Variants in STARD13 observed in about 807,000 individuals in gnomAD.
The protein encoded by STARD13 is StAR related lipid transfer domain containing 13.
A neutral mutation model predicts 106.4 loss-of-function variants in STARD13; 62 were observed. The observed-to-expected ratio is 0.58, with a 90% CI of 0.48 to 0.72. The LOEUF (loss-of-function observed/expected upper bound fraction) is 0.72. STARD13 is among the 30% of genes least tolerant of loss of function. STARD13 has a pLI of 0.00. For missense variants in STARD13, 1,387 were observed against 1,424.0 expected (o/e 0.97, Z 0.42); for synonymous variants, 565 against 553.0 (o/e 1.02, Z -0.31).
chr13:33,664,545 T>C, the STARD13 span, among the ~76,000 whole-genome samples: 1 of 142,412 alleles, frequency 7.0e-6, no homozygotes, highest in African/African-American at 2.9e-5. Context: ...ATTTCACTCT[T>C]GGCTTCATGT....
At chr13:33,371,617 C>T in the STARD13 span, among the ~76,000 whole-genome samples, 1 of 152,156 alleles carries the variant, frequency 6.6e-6, no homozygotes, top group South Asian at 2.1e-4. Context: ...CCTCCTGCTC[C>T]CTGAGTTCTC....
chr13:33,111,583 A>G (rs1874576136), intron 10 of STARD13, among the ~76,000 whole-genome samples, 195 bp downstream of exon 10: 1 of 152,238 alleles, frequency 6.6e-6, no homozygotes, highest in African/African-American at 2.4e-5. Context: ...GGTAATCCCA[A>G]GTGTCTTTAT....
At chr13:33,575,483 T>C in the STARD13 span, among the ~76,000 whole-genome samples, 1 of 152,196 alleles carries the variant, frequency 6.6e-6, no homozygotes, top group East Asian at 1.9e-4. Flanking sequence ...AAAACTCATG[T>C]TGAAACTTGA....
At chr13:33,359,638 C>T in the STARD13 span, 2 of 152,732 alleles carry the variant, frequency 1.3e-5, no homozygotes, top group Non-Finnish European at 2.9e-5. Context: ...GCACTCCAGC[C>T]TGGGCAACAG....
chr13:33,644,217 G>C, the STARD13 span, among the ~76,000 whole-genome samples: 1 of 152,216 alleles, frequency 6.6e-6, no homozygotes, highest in Non-Finnish European at 1.5e-5. Flanking sequence ...CTGGACTCAG[G>C]CCTGGTCTGG....
chr13:33,124,717 T>TAA (rs67468466), intron 7 of STARD13, among the ~76,000 whole-genome samples: 1 of 151,874 alleles, frequency 6.6e-6, no homozygotes, highest in Non-Finnish European at 1.5e-5. Flanking sequence ...CCTCTAAGAT[T>TAA]AAAAAAATTA....
chr13:33,355,492 T>C (rs547117255), upstream of STARD13: 4 of 152,330 alleles, frequency 2.6e-5, no homozygotes, highest in Admixed American at 6.5e-5. Context: ...TTCATGTTGC[T>C]TGCAGCTTTG....
At chr13:33,307,452 A>C (rs141025236) in intron 1 of STARD13, among the ~76,000 whole-genome samples, 1,850 of 152,350 alleles carry the variant, frequency 0.012, 36 homozygotes, top group African/African-American at 0.041. Context: ...AATGTGGTAC[A>C]TATACACCAT....
the STARD13 span, among the ~76,000 whole-genome samples, chr13:33,648,909 A>G: frequency 6.8e-6 from 1 of 146,422 alleles, no homozygotes; most frequent in Non-Finnish European, 1.5e-5. Context: ...CTCCTGCTTC[A>G]GCCTTCCCTA....
chr13:33,296,496 G>A (rs1028348285), intron 1 of STARD13, among the ~76,000 whole-genome samples: 1 of 152,078 alleles, frequency 6.6e-6, no homozygotes, highest in African/African-American at 2.4e-5. Flanking sequence ...ATTCAATAGA[G>A]TCTTATTAAT....
chr13:33,628,189 A>C, the STARD13 span, among the ~76,000 whole-genome samples: 2 of 130,066 alleles, frequency 1.5e-5, no homozygotes, highest in African/African-American at 7.8e-5. Context: ...ACACACACAC[A>C]CACCACATGC....
chr13:33,571,788 A>C, the STARD13 span, among the ~76,000 whole-genome samples: 1 of 152,108 alleles, frequency 6.6e-6, no homozygotes, highest in East Asian at 1.9e-4. Context: ...TTGCTGTTTG[A>C]CTATATGTAT....
chr13:33,503,049 C>T, the STARD13 span, among the ~76,000 whole-genome samples: 1 of 152,160 alleles, frequency 6.6e-6, no homozygotes, highest in African/African-American at 2.4e-5. Flanking sequence ...ATTATTGCCT[C>T]AATTTCAGAA....
At chr13:33,395,113 G>A in the STARD13 span, among the ~76,000 whole-genome samples, 1 of 152,214 alleles carries the variant, frequency 6.6e-6, no homozygotes, top group Non-Finnish European at 1.5e-5. Context: ...TGGGTGGGCA[G>A]AGTAGCTTAG....
Position 33,106,882 on chromosome 13 carries a change from C to T in STARD13, c.3100G>A (p.Val1034Met), listed in dbSNP as rs372316368. The change falls in exon 13 of 14, where the codon GTG becomes ATG. Residue 1034 changes from valine to methionine, a missense_variant. Physicochemically the swap from Val to Met is conservative, Grantham distance 21. Coordinates refer to ENST00000336934, the MANE Select transcript of STARD13 (RefSeq NM_178006.4). ...KGMCTLVSLS[V>M]EHEEAQLLGG... ...AGGAGCTGGGCTTCCTCATGCTCCA[C>T]GGAGAGGGACACCAGGGTACACATT... The T allele has an allele frequency of 4.8e-5, 77 of 1,614,136 alleles. No individual in the cohort carries two copies. The highest frequency in any genetic ancestry group is 9.9e-5 in the South Asian group (9 of 91,066).
chr13:33,299,032 C>A (rs896238440), intron 1 of STARD13, among the ~76,000 whole-genome samples: 1 of 152,176 alleles, frequency 6.6e-6, no homozygotes, highest in Admixed American at 6.5e-5. Context: ...TAATAGCATA[C>A]GTTTACCGTA....
chr13:33,332,203 T>C (rs1712028893), intron 1 of STARD13, among the ~76,000 whole-genome samples: 1 of 152,162 alleles, frequency 6.6e-6, no homozygotes, highest in Non-Finnish European at 1.5e-5. Flanking sequence ...CCACAGACAC[T>C]TCCACAGGCT....
the STARD13 span, among the ~76,000 whole-genome samples, chr13:33,592,143 G>C: frequency 6.6e-6 from 1 of 152,112 alleles, no homozygotes; most frequent in African/African-American, 2.4e-5. Context: ...TGTCATTTTA[G>C]TTTAAAAGCA....
At chr13:33,465,365 C>T in the STARD13 span, among the ~76,000 whole-genome samples, 2 of 152,002 alleles carry the variant, frequency 1.3e-5, no homozygotes, top group Non-Finnish European at 2.9e-5. Flanking sequence ...GCCACCACGC[C>T]CGGCTAATTG....
Sources: allele counts gnomAD v4.1 joint callset (sites outside exome capture counted in the v4.1 genomes callset), GRCh38; gene constraint gnomAD v4.1.1; transcripts MANE v1.5; gene names NCBI Gene and HGNC (gene_info 2026-07-23, HGNC 2026-07-21).